The following BORCS8 variants were observed in gnomAD, a reference collection of about 807,000 sequenced individuals.
BORCS8 encodes BLOC-1-related complex subunit 8.
In BORCS8, 13 loss-of-function variants were observed where a neutral mutation model predicts 18.7. The observed-to-expected ratio is 0.70, with a 90% CI of 0.45 to 1.11. BORCS8 has a LOEUF of 1.11. BORCS8 is among the 50% of genes least tolerant of loss of function. The pLI, the probability that BORCS8 is intolerant of heterozygous loss-of-function variation, is 0.00. For synonymous variants in BORCS8, 68 were observed against 64.8 expected (o/e 1.05, Z -0.24); for missense variants, 165 against 165.7 (o/e 1.00, Z 0.02).
At chr19:19,180,613 G>A in intron 5 of BORCS8, 73 bp downstream of exon 5, 1 of 1,067,096 alleles carries the variant, frequency 9.4e-7, no homozygotes. Flanking sequence ...GCAGGTGCCT[G>A]CCTGGCTGCC....
rs139768594 is a variant in BORCS8 at position 19,186,977 on chromosome 19, G to A, written c.66C>T (p.Tyr22=). 325 of 1,551,316 alleles carry A rather than the reference G, an allele frequency of 2.1e-4. 1 individual carries two copies. In the East Asian group the frequency reaches 6.7e-3, roughly 32 times the overall value. ...CCACGGATGGCTCGTTGGCCAGGAC[G>A]TAGACGCTCTCAGTGAACTTGTCCG... ...KVTDKFTESV[Y]VLANEPSVAL... Residue 22 remains tyrosine, a synonymous_variant, in exon 2 of 6, where the codon TAC becomes TAT. Transcript: ENST00000462790.
chr19:19,182,747 C>T lies in BORCS8; in HGVS notation c.216-64G>A, dbSNP rs946867668. ...TGCAGGTAACTGTCCCACACCCCAG[C>T]ACTTGAGGTCACCACCAGGGCTCGG... On this transcript the variant is annotated intron_variant, in intron 3 of 5. Coordinates refer to ENST00000462790, the MANE Select transcript of BORCS8 (RefSeq NM_001145784.2). This position sits in a 1 kb window ranked among gnomAD's most constrained non-coding sequence, Gnocchi z 4.1. The T allele has an allele frequency of 1.1e-5, 17 of 1,483,540 alleles. No individual in the cohort carries two copies. In the African/African-American group the frequency reaches 2.2e-4, roughly 20 times the overall value. 91.9% of individuals were successfully genotyped at this position (1,483,540 alleles called of 1,614,324 possible). A position where few individuals can be genotyped will look rare whatever the true frequency, so the allele number is the denominator to read the frequency against.
In BORCS8 at chr19:19,182,494, A is replaced by C; in HGVS notation, c.326+79T>G. 1 of 1,498,634 alleles carries C rather than the reference A, an allele frequency of 6.7e-7. No individual in the cohort carries two copies. The highest frequency in any genetic ancestry group is 8.9e-7 in the Non-Finnish European group (1 of 1,124,122). 92.8% of individuals were successfully genotyped at this position (1,498,634 alleles called of 1,614,324 possible). A position where few individuals can be genotyped will look rare whatever the true frequency, so the allele number is the denominator to read the frequency against. ...AGAGACAGTTTTCTAATAAGCGAGA[A>C]GCAGCGGTTCCCAGCGCAGCTGAGA... On this transcript the variant is annotated intron_variant, in intron 4 of 5. Transcript: ENST00000462790. This position sits in a 1 kb window ranked among gnomAD's most constrained non-coding sequence, Gnocchi z 4.1.
At chr19:19,189,145 T>C (rs927176496) in intron 1 of BORCS8, among the ~76,000 whole-genome samples, 1 of 152,100 alleles carries the variant, frequency 6.6e-6, no homozygotes, top group African/African-American at 2.4e-5. Flanking sequence ...GATAAATTAA[T>C]TGCACGCAAA....
chr19:19,184,694 G>A (rs967485566), intron 3 of BORCS8, among the ~76,000 whole-genome samples: 1 of 152,148 alleles, frequency 6.6e-6, no homozygotes, highest in Non-Finnish European at 1.5e-5. Flanking sequence ...CAACCTCCCA[G>A]GCTTAAGCAA....
chr19:19,181,729 C>T, intron 4 of BORCS8: 1 of 321,322 alleles, frequency 3.1e-6, no homozygotes, highest in Non-Finnish European at 4.5e-6. Flanking sequence ...CACATACACT[C>T]AAGTCTTGTT....
intron 4 of BORCS8, among the ~76,000 whole-genome samples, chr19:19,181,143 T>A (rs754163017): frequency 6.7e-6 from 1 of 149,292 alleles, no homozygotes; most frequent in Non-Finnish European, 1.5e-5. Context: ...TGGAGTGAGC[T>A]AAGATCGCAC....
chr19:19,191,354 T>G (rs1418966723), intron 1 of BORCS8, among the ~76,000 whole-genome samples: 1 of 151,280 alleles, frequency 6.6e-6, no homozygotes, highest in African/African-American at 2.4e-5. Flanking sequence ...TAGCCTGATG[T>G]GGTGGTGTGC....
At chr19:19,177,631 AAG>A (rs1296427775) in intron 5 of BORCS8, 171 bp from the exon 6 acceptor site, 1 of 142,950 alleles carries the variant, frequency 7.0e-6, no homozygotes, top group Non-Finnish European at 1.4e-5. Flanking sequence ...TGTCAAAAGA[AAG>A]AAAGAAAGAA....
intron 5 of BORCS8, chr19:19,180,360 C>T (rs534445561): frequency 7.4e-4 from 268 of 364,242 alleles, no homozygotes; most frequent in African/African-American, 5.4e-3. Context: ...GCTGCTGGCA[C>T]GTGGTAGGAT....
At chr19:19,191,783 C>A (rs1442624573) in intron 1 of BORCS8, among the ~76,000 whole-genome samples, 2 of 152,124 alleles carry the variant, frequency 1.3e-5, no homozygotes, top group Non-Finnish European at 2.9e-5. Context: ...CTCACTATGT[C>A]ACCTAGGCTG....
chr19:19,177,875 CT>C (rs536726585), intron 5 of BORCS8: 192 of 147,486 alleles, frequency 1.3e-3, no homozygotes, highest in South Asian at 3.3e-3. Flanking sequence ...TGACTGTGCC[CT>C]TTTTTTTTTT....
At chr19:19,192,152 CGGAAGCCCGGAGGTTG>C, upstream of BORCS8, 1 of 1,550,642 alleles carries the variant, frequency 6.4e-7, no homozygotes, top group East Asian at 2.4e-5. Flanking sequence ...GAAACGGCAC[CGGAAGCCCGGAGGTTG>C]GGACGCCCGC....
At position 19,182,592 on chromosome 19, in the gene BORCS8, C is replaced by T. The variant is rs1460368919; in HGVS notation, c.307G>A (p.Ala103Thr). ...AGCTACCTGTGGCCCTGGGCACTGG[C>T]ATTCATATGGTCCCGGATGCTGATG... The part of the protein sequence containing the change: ...QAISIRDHMN[A>T]SAQGHSPEEP... The change falls in exon 4 of 6, where the codon GCC becomes ACC. Residue 103 changes from alanine to threonine, a missense_variant. By Grantham distance (58) the Ala-to-Thr change is moderately conservative (BLOSUM62 0). Coordinates refer to ENST00000462790, the MANE Select transcript of BORCS8 (RefSeq NM_001145784.2). This position sits in a 1 kb window ranked among gnomAD's most constrained non-coding sequence, Gnocchi z 4.1. 6.4e-7 allele frequency: 1 copy of T among 1,551,000 alleles called. No individual in the cohort carries two copies.
chr19:19,185,349 C>T (rs947831133), intron 3 of BORCS8, among the ~76,000 whole-genome samples: 2 of 152,124 alleles, frequency 1.3e-5, no homozygotes, highest in South Asian at 2.1e-4. Context: ...AATACAGTCA[C>T]GAGGAATGGA....
At chr19:19,178,669 A>C (rs1368391389) in intron 5 of BORCS8, 4 of 152,278 alleles carry the variant, frequency 2.6e-5, no homozygotes, top group Non-Finnish European at 5.9e-5. Flanking sequence ...TGGGAATGAA[A>C]GCCTCTGAGG....
At position 19,185,703 on chromosome 19, in the gene BORCS8, A is replaced by C. The variant is rs910512816; in HGVS notation, c.215+331T>G. On this transcript the variant is annotated intron_variant, in intron 3 of 5. Transcript: ENST00000462790. ...TCTGTCTCAAAAAAAATTTAAAAAT[A>C]AACAGCCATATCTGTGCTTTGGGCT... is the stretch of plus-strand genomic sequence containing the variant. 3.2e-4 allele frequency among the ~76,000 whole-genome samples: 48 copies of C among 152,346 alleles called. 1 individual carries two copies. The highest frequency in any genetic ancestry group is 2.7e-3 in the Admixed American group (41 of 15,302).
rs552339244 is a variant in BORCS8 at position 19,181,811 on chromosome 19, C to A, written c.326+762G>T. ...TTTTGCCCAGTGGGGGACAGGCCTG[C>A]CAGAACCCCAATCTGTGGGAGCCAG... On this transcript the variant is annotated intron_variant, in intron 4 of 5. Coordinates refer to ENST00000462790, the MANE Select transcript of BORCS8 (RefSeq NM_001145784.2). The A allele has an allele frequency of 2.8e-5, 27 of 970,238 alleles. No homozygotes were observed. The South Asian group carries it at 1.0e-3, about 38-fold the overall frequency. The allele number at this position is 970,238 out of a possible 1,614,324, so 60.1% of individuals were successfully genotyped here. A position where few individuals can be genotyped will look rare whatever the true frequency, so the allele number is the denominator to read the frequency against.
chr19:19,183,942 G>A (rs1352852806), intron 3 of BORCS8, among the ~76,000 whole-genome samples: 1 of 146,714 alleles, frequency 6.8e-6, no homozygotes, highest in Non-Finnish European at 1.5e-5. Context: ...CCCAGACTGA[G>A]CACAATCTCA....
Sources: allele counts gnomAD v4.1 joint callset (sites outside exome capture counted in the v4.1 genomes callset), GRCh38; gene constraint gnomAD v4.1.1; non-coding constraint Gnocchi (gnomAD v3.1); transcripts MANE v1.5; gene names NCBI Gene and HGNC (gene_info 2026-07-23, HGNC 2026-07-21).